Variants in ADAM32 observed in about 807,000 individuals in gnomAD.
The protein encoded by ADAM32 is disintegrin and metalloproteinase domain-containing protein 32.
Under a neutral mutation model 114.9 loss-of-function variants are expected in ADAM32, and 89 were observed. The observed-to-expected ratio is 0.77, with a 90% CI of 0.65 to 0.92. ADAM32 has a LOEUF of 0.92. Among genes scored for constraint, ADAM32 ranks in the 40% least tolerant of loss-of-function variants. ADAM32 has a pLI of 0.00. For missense variants in ADAM32, 870 were observed against 932.8 expected (o/e 0.93, Z 0.88); for synonymous variants, 285 against 307.5 (o/e 0.93, Z 0.77).
intron 11 of ADAM32, among the ~76,000 whole-genome samples, chr8:39,204,445 T>C (rs1193831535): frequency 6.6e-6 from 1 of 152,240 alleles, no homozygotes; most frequent in Non-Finnish European, 1.5e-5. Flanking sequence ...CTTGTGCATT[T>C]GTCACGTAGT....
At chr8:39,205,464 A>G (rs537777579) in intron 11 of ADAM32, among the ~76,000 whole-genome samples, 4 of 152,196 alleles carry the variant, frequency 2.6e-5, no homozygotes, top group Non-Finnish European at 5.9e-5. Flanking sequence ...TGCTAAGACC[A>G]TTGGAAAAGC....
intron 10 of ADAM32, among the ~76,000 whole-genome samples, chr8:39,179,287 G>C (rs1805705743): frequency 6.6e-6 from 1 of 152,210 alleles, no homozygotes; most frequent in Non-Finnish European, 1.5e-5. Context: ...CCTTCCCCAA[G>C]GAACTTAGTC....
chr8:39,129,572 T>C (rs760068237), intron 2 of ADAM32, among the ~76,000 whole-genome samples: 2 of 152,248 alleles, frequency 1.3e-5, no homozygotes, highest in Non-Finnish European at 2.9e-5. Flanking sequence ...TCTTTTTATA[T>C]GTCACTGGAA....
chr8:39,184,450 A>G (rs1205427120), intron 10 of ADAM32, among the ~76,000 whole-genome samples: 1 of 152,212 alleles, frequency 6.6e-6, no homozygotes, highest in Non-Finnish European at 1.5e-5. Flanking sequence ...TTACTGTTAG[A>G]TGAACTTGAA....
intron 16 of ADAM32, among the ~76,000 whole-genome samples, chr8:39,236,228 A>G (rs1810133430): frequency 6.6e-6 from 1 of 152,152 alleles, no homozygotes; most frequent in African/African-American, 2.4e-5. Context: ...AATACTTATG[A>G]GACTCTAATG....
chr8:39,245,382 C>T (rs1418844529), intron 16 of ADAM32, among the ~76,000 whole-genome samples: 2 of 151,962 alleles, frequency 1.3e-5, no homozygotes, highest in Admixed American at 6.6e-5. Flanking sequence ...GCTGCACCAA[C>T]ATCTCAGAAA....
chr8:39,255,313 CGTA>C (rs56111552), intron 18 of ADAM32, among the ~76,000 whole-genome samples: 10,916 of 152,004 alleles, frequency 0.072, 535 homozygotes, highest in Non-Finnish European at 0.11. Flanking sequence ...TACTGTTTTT[CGTA>C]GTGGCTGTGC....
At chr8:39,269,657 G>A (rs1402632457) in intron 19 of ADAM32, among the ~76,000 whole-genome samples, 1 of 152,160 alleles carries the variant, frequency 6.6e-6, no homozygotes, top group Admixed American at 6.5e-5. Context: ...AGCTCTTGCT[G>A]CGTGAATTCA....
At chr8:39,232,238 A>G (rs1052999784) in intron 15 of ADAM32, 103 bp downstream of exon 15, 5 of 873,524 alleles carry the variant, frequency 5.7e-6, no homozygotes, top group Non-Finnish European at 8.6e-6. Context: ...AAAGTATTAC[A>G]TGTGCATAGG....
intron 2 of ADAM32, among the ~76,000 whole-genome samples, chr8:39,126,239 G>A (rs1802107847): frequency 6.6e-6 from 1 of 152,118 alleles, no homozygotes; most frequent in Non-Finnish European, 1.5e-5. Context: ...AAATAACATG[G>A]AATCTATAAA....
At chr8:39,262,624 C>T (rs968619896) in intron 19 of ADAM32, among the ~76,000 whole-genome samples, 2 of 151,704 alleles carry the variant, frequency 1.3e-5, no homozygotes, top group Admixed American at 6.6e-5. Context: ...TTCCTCCTTC[C>T]CTCCATCCCT....
intron 17 of ADAM32, among the ~76,000 whole-genome samples, chr8:39,253,218 C>T (rs540274006): frequency 6.6e-6 from 1 of 151,478 alleles, no homozygotes; most frequent in South Asian, 2.1e-4. Flanking sequence ...CATTAAGATG[C>T]AGAAAAAGCA....
At chr8:39,129,949 C>A in intron 2 of ADAM32, 1 of 306,864 alleles carries the variant, frequency 3.3e-6, no homozygotes, top group Non-Finnish European at 6.2e-6. Flanking sequence ...TTGTACATCA[C>A]ATTTCCTTTT....
At chr8:39,170,972 A>T (rs938352923) in intron 10 of ADAM32, among the ~76,000 whole-genome samples, 21 of 152,068 alleles carry the variant, frequency 1.4e-4, no homozygotes, top group African/African-American at 3.4e-4. Flanking sequence ...TCTTGCTTTT[A>T]TGCCAGGCTG....
intron 1 of ADAM32, among the ~76,000 whole-genome samples, chr8:39,114,129 GAT>G (rs1840278679): frequency 2.6e-5 from 4 of 152,066 alleles, no homozygotes; most frequent in African/African-American, 4.8e-5. Flanking sequence ...TTTATCCCTT[GAT>G]CTATATAAGT....
At chr8:39,198,189 T>A (rs925906039) in intron 11 of ADAM32, among the ~76,000 whole-genome samples, 5 of 152,074 alleles carry the variant, frequency 3.3e-5, no homozygotes, top group African/African-American at 1.2e-4. Context: ...ATTCCTTCAC[T>A]TTTGGTCTAC....
chr8:39,264,376 T>A (rs1382828881), intron 19 of ADAM32, among the ~76,000 whole-genome samples: 1 of 152,228 alleles, frequency 6.6e-6, no homozygotes, highest in Non-Finnish European at 1.5e-5. Context: ...TGAAGATTTT[T>A]AAAAATTTCT....
chr8:39,220,229 G>C (rs763243356), intron 12 of ADAM32, among the ~76,000 whole-genome samples: 1 of 152,044 alleles, frequency 6.6e-6, no homozygotes, highest in Non-Finnish European at 1.5e-5. Flanking sequence ...TTGGTCCAAA[G>C]TTTGTGTTAT....
At chr8:39,169,790 G>A in intron 9 of ADAM32, 126 bp from the exon 10 acceptor site, 1 of 609,584 alleles carries the variant, frequency 1.6e-6, no homozygotes, top group Non-Finnish European at 2.8e-6. Context: ...AGGACATATG[G>A]AAAGATCATA....
Sources: allele counts gnomAD v4.1 joint callset (sites outside exome capture counted in the v4.1 genomes callset), GRCh38; gene constraint gnomAD v4.1.1; transcripts MANE v1.5; gene names NCBI Gene and HGNC (gene_info 2026-07-23, HGNC 2026-07-21).